Variants in EML6 observed in about 807,000 individuals in gnomAD.
EML6 encodes EMAP like 6.
A neutral mutation model predicts 240.1 loss-of-function variants in EML6; 154 were observed. The observed-to-expected ratio is 0.64, with a 90% CI of 0.56 to 0.73. The LOEUF (loss-of-function observed/expected upper bound fraction) is 0.73, where lower values mean the gene tolerates loss of function less well. Ranked by LOEUF, EML6 falls within the 30% of genes least tolerant of loss-of-function variation. The probability of loss-of-function intolerance (pLI) is 0.00; values close to 1 mark genes in which losing one functional copy is unlikely to be tolerated. For synonymous variants in EML6, 1,148 were observed against 899.0 expected, an observed-to-expected ratio of 1.28 and a Z score of -4.95; for missense variants, 2,964 against 2,474.6, an observed-to-expected ratio of 1.20 and a Z score of -4.20.
intron 6 of EML6, among the ~76,000 whole-genome samples, chr2:54,828,720 C>G (rs1668716671): frequency 1.3e-5 from 2 of 152,212 alleles, no homozygotes; most frequent in South Asian, 4.1e-4. Flanking sequence ...GATCTTATGT[C>G]AACATTATAT....
At chr2:54,862,338 TAAAA>T (rs35834327) in intron 12 of EML6, among the ~76,000 whole-genome samples, 16 of 37,730 alleles carry the variant, frequency 4.2e-4, no homozygotes, top group African/African-American at 1.2e-3. Context: ...ACTCCATCTC[TAAAA>T]AAAAAAAAAA....
intron 36 of EML6, among the ~76,000 whole-genome samples, chr2:54,963,173 C>CCT (rs1258070805): frequency 6.6e-6 from 1 of 152,100 alleles, no homozygotes; most frequent in Non-Finnish European, 1.5e-5. Context: ...ATCCTCATGG[C>CCT]CTTATCCAGT....
intron 26 of EML6, among the ~76,000 whole-genome samples, chr2:54,918,712 C>T (rs1674063445): frequency 6.6e-6 from 1 of 151,266 alleles, no homozygotes. Flanking sequence ...TTTAAATTTA[C>T]CCCCCTGTAC....
intron 10 of EML6, among the ~76,000 whole-genome samples, chr2:54,852,595 C>CT (rs1248791393): frequency 6.6e-6 from 1 of 152,160 alleles, no homozygotes; most frequent in African/African-American, 2.4e-5. Context: ...CTTCCTAGGA[C>CT]TGTATTCTCC....
At chr2:54,779,286 C>T (rs965510755) in intron 2 of EML6, among the ~76,000 whole-genome samples, 4 of 152,108 alleles carry the variant, frequency 2.6e-5, no homozygotes, top group Non-Finnish European at 1.5e-5. Context: ...CGCCTATAAT[C>T]CCAGCACTTT....
chr2:54,797,176 A>AAAAAAAAAAAAAACAAAAAAAAC (rs1669848937), intron 2 of EML6, among the ~76,000 whole-genome samples: 4 of 141,688 alleles, frequency 2.8e-5, no homozygotes, highest in Non-Finnish European at 6.4e-5. Flanking sequence ...AAAAAAAAAA[A>AAAAAAAAAAAAAACAAAAAAAAC]AAAAAAAAAA....
intron 2 of EML6, among the ~76,000 whole-genome samples, chr2:54,786,201 G>C (rs1325441898): frequency 1.3e-5 from 2 of 152,086 alleles, no homozygotes; most frequent in East Asian, 3.9e-4. Flanking sequence ...TATTCCCTGA[G>C]TGTCTCTTTT....
At chr2:54,959,018 T>C in intron 33 of EML6, 86 bp from the exon 34 acceptor site, 1 of 1,298,550 alleles carries the variant, frequency 7.7e-7, no homozygotes, top group Non-Finnish European at 1.0e-6. Flanking sequence ...CATCTCTAGC[T>C]CTGGTTCCTT....
intron 28 of EML6, among the ~76,000 whole-genome samples, chr2:54,931,958 C>G (rs2104406593): frequency 6.6e-6 from 1 of 152,304 alleles, no homozygotes; most frequent in Non-Finnish European, 1.5e-5. Context: ...TTCCTAATTC[C>G]TAAATTTTAA....
intron 2 of EML6, among the ~76,000 whole-genome samples, chr2:54,801,850 C>T (rs574267058): frequency 1.2e-3 from 183 of 152,286 alleles, no homozygotes; most frequent in African/African-American, 4.1e-3. Flanking sequence ...CAGAATGGCA[C>T]TTTTAAAAAC....
intron 7 of EML6, among the ~76,000 whole-genome samples, chr2:54,837,527 G>A (rs566881271): frequency 6.6e-6 from 1 of 152,286 alleles, no homozygotes; most frequent in Admixed American, 6.5e-5. Flanking sequence ...GGGCTTGCTT[G>A]TTTATCTCAA....
chr2:54,893,102 G>A (rs950038017), intron 19 of EML6, among the ~76,000 whole-genome samples: 4 of 152,178 alleles, frequency 2.6e-5, no homozygotes, highest in African/African-American at 9.7e-5. Flanking sequence ...CTCCTGTGTA[G>A]AAAGGCTCAG....
rs1417105326 is a variant in EML6 at position 54,968,733 on chromosome 2, C to T, written c.5817C>T (p.Asp1939=). 1 of 1,550,152 alleles carries T rather than the reference C, an allele frequency of 6.5e-7. No individual in the cohort carries two copies. The highest frequency in any genetic ancestry group is 8.7e-7 in the Non-Finnish European group (1 of 1,145,528). The part of the protein sequence containing the change: ...HVTNIRFSYD[D]KYVVSTGGDD... ...CGAACATCCGTTTCTCTTATGATGA[C>T]AAGTATGTGGTCAGCACTGGAGGAG... Residue 1939 remains aspartate, a synonymous_variant, in exon 41 of 42, where the codon GAC becomes GAT. Transcript: ENST00000356458.
At chr2:54,873,373 T>A (rs1299251921) in intron 16 of EML6, among the ~76,000 whole-genome samples, 2 of 152,180 alleles carry the variant, frequency 1.3e-5, no homozygotes, top group Non-Finnish European at 2.9e-5. Flanking sequence ...AAGGCATAAG[T>A]GTCAAGGGAG....
intron 32 of EML6, 112 bp from the exon 33 acceptor site, chr2:54,957,678 A>G (rs1040410204): frequency 5.5e-6 from 5 of 902,410 alleles, no homozygotes; most frequent in Non-Finnish European, 6.9e-6. Flanking sequence ...GCTGTAAAGA[A>G]GAACTGAGGC....
At chr2:54,904,206 A>G (rs115894831) in intron 24 of EML6, among the ~76,000 whole-genome samples, 1,720 of 152,262 alleles carry the variant, frequency 0.011, 13 homozygotes, top group Non-Finnish European at 0.018. Context: ...CGTGTGAGTA[A>G]GCAGTGGTGA....
rs1297901856 is a variant in EML6 at position 54,863,689 on chromosome 2, C to T, written c.1826-94C>T. ...AAAACTATGGTATAGTTTTTATTTACTTTGCTAGGATAAAAGGAAAAATAT... is the reference window on the plus strand; with the variant it reads ...AAAACTATGGTATAGTTTTTATTTATTTTGCTAGGATAAAAGGAAAAATAT... On this transcript the variant is annotated intron_variant, in intron 12 of 41. Coordinates refer to ENST00000356458, the MANE Select transcript of EML6 (RefSeq NM_001039753.4). 10 of 687,384 alleles carry T rather than the reference C, an allele frequency of 1.5e-5. No homozygotes were observed. The East Asian group carries it at 2.5e-4, about 17-fold the overall frequency. 42.6% of individuals were successfully genotyped at this position (687,384 alleles called of 1,614,324 possible).
At chr2:54,968,871 G>A in intron 41 of EML6, 103 bp downstream of exon 41, 2 of 633,752 alleles carry the variant, frequency 3.2e-6, no homozygotes, top group South Asian at 3.7e-5. Context: ...GCATGAGGAG[G>A]GCTGATGTGG....
At chr2:54,733,613 CT>C (rs1212532713) in intron 2 of EML6, among the ~76,000 whole-genome samples, 2 of 152,196 alleles carry the variant, frequency 1.3e-5, no homozygotes, top group Non-Finnish European at 2.9e-5. Context: ...TTTATTTTCT[CT>C]GGCTGCTTAA....
Sources: gnomAD v4.1 joint callset for allele counts (sites outside exome capture counted in the v4.1 genomes callset) on GRCh38, gnomAD v4.1.1 for gene constraint, MANE v1.5 for transcripts, NCBI Gene and HGNC (gene_info 2026-07-23, HGNC 2026-07-21) for gene names.